Variants in ZNRF2 observed in about 807,000 individuals in gnomAD.
ZNRF2 encodes zinc and ring finger 2, also known as E3 ubiquitin-protein ligase ZNRF2.
A neutral mutation model predicts 20.4 loss-of-function variants in ZNRF2; 16 were observed. The ratio of observed to expected loss-of-function variants is 0.79; its 90% CI spans 0.53 to 1.19. The LOEUF (loss-of-function observed/expected upper bound fraction) is 1.19, where lower values mean the gene tolerates loss of function less well. Among genes scored for constraint, ZNRF2 ranks in the 50% most tolerant of loss-of-function variants. The pLI is 0.00. For synonymous variants in ZNRF2, 178 were observed against 144.9 expected (o/e 1.23, Z -1.64); for missense variants, 363 against 332.4 (o/e 1.09, Z -0.72).
intron 1 of ZNRF2, among the ~76,000 whole-genome samples, chr7:30,309,907 A>G (rs73685996): frequency 0.011 from 1,751 of 152,288 alleles, 33 homozygotes; most frequent in African/African-American, 0.039. Context: ...AACAAGATAC[A>G]TGGCTTTGTA....
chr7:30,330,734 G>C (rs1799624711), intron 2 of ZNRF2, among the ~76,000 whole-genome samples: 1 of 151,636 alleles, frequency 6.6e-6, no homozygotes, highest in South Asian at 2.1e-4. Flanking sequence ...AATTCAGGAT[G>C]CTTTCTGAAA....
intron 2 of ZNRF2, among the ~76,000 whole-genome samples, chr7:30,344,247 TTAA>T (rs955532215): frequency 1.3e-5 from 2 of 151,638 alleles, no homozygotes; most frequent in African/African-American, 4.8e-5. Context: ...TTTTTTTTTT[TTAA>T]TTAGAAATAA....
At chr7:30,300,006 G>T (rs1379160302) in intron 1 of ZNRF2, among the ~76,000 whole-genome samples, 3 of 151,898 alleles carry the variant, frequency 2.0e-5, no homozygotes, top group East Asian at 3.9e-4. Context: ...GGATGGTCTT[G>T]ATCTCCTGAC....
intron 2 of ZNRF2, among the ~76,000 whole-genome samples, chr7:30,353,955 G>GT (rs1231867106): frequency 2.0e-5 from 3 of 151,934 alleles, no homozygotes. Context: ...CCTTTACCAG[G>GT]TTTTTTTAGT....
chr7:30,343,617 T>G (rs1330413481), intron 2 of ZNRF2, among the ~76,000 whole-genome samples: 1 of 152,146 alleles, frequency 6.6e-6, no homozygotes, highest in Non-Finnish European at 1.5e-5. Context: ...TGTTTATGCC[T>G]TATGTTCAAC....
rs138215556 is a variant in ZNRF2, at chr7:30,334,759, G to A, written c.565+11022G>A. 1.6e-3 allele frequency among the ~76,000 whole-genome samples: 247 copies of A among 152,176 alleles called. 1 individual carries two copies. Among genetic ancestry groups the A allele is most frequent in the African/African-American group, 3.7e-3 (153 of 41,526 alleles). On this transcript the variant is annotated intron_variant, in intron 2 of 4. Transcript: ENST00000323037. ...TAGAAAACTACTGCTATCATATGTG[G>A]CAACTTAAAGCTACAGTTTAATGGA...
At chr7:30,287,908 A>G (rs1435534447) in intron 1 of ZNRF2, among the ~76,000 whole-genome samples, 1 of 152,222 alleles carries the variant, frequency 6.6e-6, no homozygotes, top group Admixed American at 6.5e-5. Flanking sequence ...GAGGAACCTC[A>G]GTTGAGAATT....
chr7:30,360,527 GA>G (rs11341697), intron 3 of ZNRF2, among the ~76,000 whole-genome samples: 17,559 of 144,436 alleles, frequency 0.12, 1,831 homozygotes, highest in African/African-American at 0.29. Flanking sequence ...GTCTCTACTG[GA>G]AAAAAAAAAA....
chr7:30,331,661 T>G (rs1799636963), intron 2 of ZNRF2, among the ~76,000 whole-genome samples: 1 of 152,170 alleles, frequency 6.6e-6, no homozygotes, highest in African/African-American at 2.4e-5. Flanking sequence ...CTGGAGAACC[T>G]TATAGAATTG....
chr7:30,338,207 A>G (rs1239811647), intron 2 of ZNRF2, among the ~76,000 whole-genome samples: 1 of 151,670 alleles, frequency 6.6e-6, no homozygotes, highest in Non-Finnish European at 1.5e-5. Context: ...TTCCTTATTA[A>G]TCAGGGATTA....
intron 2 of ZNRF2, among the ~76,000 whole-genome samples, chr7:30,353,664 C>T (rs1196114731): frequency 6.6e-6 from 1 of 152,010 alleles, no homozygotes; most frequent in Admixed American, 6.6e-5. Context: ...TTAAAATATT[C>T]TCATCTCAAA....
At chr7:30,292,777 CT>C (rs1411850438) in intron 1 of ZNRF2, among the ~76,000 whole-genome samples, 2 of 152,122 alleles carry the variant, frequency 1.3e-5, no homozygotes, top group African/African-American at 2.4e-5. Context: ...TGTAGGTTTA[CT>C]TACAGCTGGA....
intron 1 of ZNRF2, among the ~76,000 whole-genome samples, chr7:30,319,395 T>A (rs77020391): frequency 0.014 from 2,082 of 152,314 alleles, 50 homozygotes; most frequent in African/African-American, 0.047. Flanking sequence ...AAATTTCTAA[T>A]GTGTAAGTAG....
At chr7:30,354,169 T>A (rs1375696696) in intron 2 of ZNRF2, among the ~76,000 whole-genome samples, 1 of 151,548 alleles carries the variant, frequency 6.6e-6, no homozygotes, top group Non-Finnish European at 1.5e-5. Context: ...GAAAAAAAAA[T>A]GGGGAAAGGG....
chr7:30,292,608 G>C (rs1432487889), intron 1 of ZNRF2, among the ~76,000 whole-genome samples: 2 of 152,070 alleles, frequency 1.3e-5, no homozygotes, highest in Admixed American at 1.3e-4. Flanking sequence ...CCTATCTATA[G>C]TTGCTATTTT....
At chr7:30,327,745 C>T (rs1197952084) in intron 2 of ZNRF2, among the ~76,000 whole-genome samples, 1 of 151,888 alleles carries the variant, frequency 6.6e-6, no homozygotes, top group Non-Finnish European at 1.5e-5. Flanking sequence ...GGCTGGAGCT[C>T]AGTGGCTATC....
intron 1 of ZNRF2, among the ~76,000 whole-genome samples, chr7:30,312,263 G>A (rs78050428): frequency 0.018 from 2,738 of 152,194 alleles, 78 homozygotes; most frequent in African/African-American, 0.062. Context: ...TTACAGACGC[G>A]AGCTACTATG....
intron 1 of ZNRF2, among the ~76,000 whole-genome samples, chr7:30,290,646 A>G (rs1360689142): frequency 6.6e-6 from 1 of 152,268 alleles, no homozygotes; most frequent in Non-Finnish European, 1.5e-5. Flanking sequence ...GAAGCAAGTC[A>G]TAGGTCCAGT....
At chr7:30,325,028 G>T (rs1005220951) in intron 2 of ZNRF2, among the ~76,000 whole-genome samples, 1 of 152,056 alleles carries the variant, frequency 6.6e-6, no homozygotes, top group Non-Finnish European at 1.5e-5. Context: ...TTTAGGTCTG[G>T]TGTTTTAGAC....
Sources: gnomAD v4.1 joint callset for allele counts (sites outside exome capture counted in the v4.1 genomes callset) on GRCh38, gnomAD v4.1.1 for gene constraint, MANE v1.5 for transcripts, NCBI Gene and HGNC (gene_info 2026-07-23, HGNC 2026-07-21) for gene names.